The following TATDN2 variants were observed in gnomAD, a reference collection of about 807,000 sequenced individuals.
TATDN2 encodes TatD DNase domain containing 2.
Under a neutral mutation model 60.3 loss-of-function variants are expected in TATDN2, and 44 were observed. The ratio of observed to expected loss-of-function variants is 0.73; its 90% CI spans 0.57 to 0.94. TATDN2 has a LOEUF of 0.94. Among genes scored for constraint, TATDN2 ranks in the 40% least tolerant of loss-of-function variants. The probability of loss-of-function intolerance (pLI) is 0.00; values close to 1 mark genes in which losing one functional copy is unlikely to be tolerated. For missense variants in TATDN2, 997 were observed against 948.0 expected, an observed-to-expected ratio of 1.05 and a Z score of -0.68; for synonymous variants, 399 against 355.8, an observed-to-expected ratio of 1.12 and a Z score of -1.37.
At position 10,279,038 on chromosome 3, in the gene TATDN2, C is replaced by G. The variant is rs555389193; in HGVS notation, c.*13C>G. 47 of 1,612,992 alleles carry G rather than the reference C, an allele frequency of 2.9e-5. No individual in the cohort carries two copies. In the South Asian group the frequency reaches 4.9e-4, roughly 17 times the overall value. On this transcript the variant is annotated 3_prime_UTR_variant, in exon 7 of 8. Coordinates refer to ENST00000448281, the MANE Select transcript of TATDN2 (RefSeq NM_014760.4). ...CTACAGTCTTTAAGCAGAGAAGGTA[C>G]AGTCCTCGGGAGTCTCCTAGAAAAG...
Position 10,260,634 on chromosome 3 carries a change from C to G in TATDN2, c.912C>G (p.Phe304Leu). The G allele has an allele frequency of 1.2e-6, 2 of 1,614,086 alleles. No homozygotes were observed. The highest frequency in any genetic ancestry group is 1.7e-6 in the Non-Finnish European group (2 of 1,180,008). The change falls in exon 3 of 8, where the codon TTC (phenylalanine) becomes TTG (leucine). Residue 304 changes from phenylalanine to leucine, a missense_variant. Coordinates refer to ENST00000448281, the MANE Select transcript of TATDN2 (RefSeq NM_014760.4). ...ACAAATGCTCTCCACCCCTAGAGTT[C>G]TTGGATGACTCTGACTCTCATTTAG... ...VIDKCSPPLEFLDDSDSHLEI... is the reference protein window; with the variant it reads ...VIDKCSPPLELLDDSDSHLEI...
At chr3:10,254,528 T>G (rs1485518725) in intron 2 of TATDN2, among the ~76,000 whole-genome samples, 1 of 152,096 alleles carries the variant, frequency 6.6e-6, no homozygotes, top group Non-Finnish European at 1.5e-5. Flanking sequence ...CTGGGGCCAG[T>G]CTGTGAAGGG....
At chr3:10,272,296 T>A (rs1380119893) in intron 4 of TATDN2, among the ~76,000 whole-genome samples, 2 of 150,732 alleles carry the variant, frequency 1.3e-5, no homozygotes, top group Admixed American at 6.6e-5. Flanking sequence ...TTTTTTGAGA[T>A]GGAGTCTTGC....
intron 4 of TATDN2, among the ~76,000 whole-genome samples, chr3:10,273,164 G>T (rs890577780): frequency 6.6e-6 from 1 of 152,214 alleles, no homozygotes; most frequent in African/African-American, 2.4e-5. Context: ...GGTGAGATTT[G>T]ACTCAAGACT....
At chr3:10,259,161 C>G (rs187845391) in intron 2 of TATDN2, among the ~76,000 whole-genome samples, 247 of 152,036 alleles carry the variant, frequency 1.6e-3, no homozygotes, top group African/African-American at 5.5e-3. Flanking sequence ...CATGAGCCAC[C>G]GCGCCCCGTG....
At chr3:10,271,613 T>G (rs1698565258) in intron 4 of TATDN2, among the ~76,000 whole-genome samples, 1 of 151,874 alleles carries the variant, frequency 6.6e-6, no homozygotes, top group African/African-American at 2.4e-5. Context: ...CTGCATTGTT[T>G]TTTTTAAATA....
intron 3 of TATDN2, among the ~76,000 whole-genome samples, chr3:10,261,687 G>A (rs1184006571): frequency 1.3e-5 from 2 of 152,068 alleles, no homozygotes; most frequent in African/African-American, 2.4e-5. Flanking sequence ...CATCTTACTC[G>A]TCTCCACCCA....
chr3:10,269,342 A>G (rs1389192978), intron 3 of TATDN2, among the ~76,000 whole-genome samples: 2 of 152,244 alleles, frequency 1.3e-5, no homozygotes, highest in African/African-American at 4.8e-5. Context: ...AGGTAGGTCC[A>G]GATTAAGGGG....
chr3:10,271,213 A>G (rs1165939253), intron 4 of TATDN2, among the ~76,000 whole-genome samples, 198 bp downstream of exon 4: 1 of 152,194 alleles, frequency 6.6e-6, no homozygotes, highest in Non-Finnish European at 1.5e-5. Flanking sequence ...CAGCTTTATT[A>G]TGGAAGATGA....
intron 2 of TATDN2, among the ~76,000 whole-genome samples, chr3:10,257,901 C>A (rs1212304749): frequency 2.9e-5 from 3 of 104,414 alleles, no homozygotes; most frequent in Non-Finnish European, 5.4e-5. Flanking sequence ...TACTCTGTAG[C>A]CCAGGCTGGA....
chr3:10,276,591 C>CTTT, intron 5 of TATDN2, 103 bp downstream of exon 5: 68 of 1,107,720 alleles, frequency 6.1e-5, no homozygotes, highest in Non-Finnish European at 6.6e-5. Context: ...ACTATCTATT[C>CTTT]TTTTTTTTTT....
rs929781567 is a variant in TATDN2, at chr3:10,270,464, C to G, written c.1282C>G (p.Gln428Glu). 1.2e-6 allele frequency: 2 copies of G among 1,614,070 alleles called. No individual in the cohort carries two copies. The highest frequency in any genetic ancestry group is 2.7e-5 in the African/African-American group (2 of 74,922). Residue 428 changes from glutamine to glutamate, a missense_variant, in exon 4 of 8, where the codon CAA (glutamine) becomes GAA (glutamate). Gln to Glu is a conservative substitution (Grantham distance 29). Transcript: ENST00000448281. ...DYSPNSTGSVQNTSRDMEASE... is the reference protein window; with the variant it reads ...DYSPNSTGSVENTSRDMEASE... ...TTCCCCCAACTCTACAGGGAGTGTC[C>G]AAAACACCTCCAGAGACATGGAGGC...
At position 10,272,588 on chromosome 3, in the gene TATDN2, G is replaced by T. The variant is rs765259537; in HGVS notation, c.1833+1573G>T. Among the ~76,000 whole-genome samples, 105 of 151,822 alleles carry T rather than the reference G, an allele frequency of 6.9e-4. 1 individual carries two copies. Among genetic ancestry groups the T allele is most frequent in the Admixed American group, 2.0e-4 (3 of 15,238 alleles). ...TGAGTAGCTGGGATTATAGACTCCCGCCACCACGCCCAGCTAATTTTTTGT... is the reference window on the plus strand; with the variant it reads ...TGAGTAGCTGGGATTATAGACTCCCTCCACCACGCCCAGCTAATTTTTTGT... On this transcript the variant is annotated intron_variant, in intron 4 of 7. Coordinates refer to ENST00000448281, the MANE Select transcript of TATDN2 (RefSeq NM_014760.4).
In TATDN2 at chr3:10,256,778, C is replaced by CAA. The variant is rs370708111; in HGVS notation, c.415-3358_415-3357insAA. On this transcript the variant is annotated intron_variant, in intron 2 of 7. Transcript: ENST00000448281. ...CAGAGGGCAGGGGTGGAGAAGCAGT[C>CAA]AGTGGAGATGGGGCCTTAACAGACA... 1.1e-3 allele frequency among the ~76,000 whole-genome samples: 173 copies of CAA among 151,866 alleles called. 3 individuals are homozygous for CAA. The highest frequency in any genetic ancestry group is 3.9e-3 in the African/African-American group (160 of 41,412).
At chr3:10,262,007 CT>C (rs1279962115) in intron 3 of TATDN2, among the ~76,000 whole-genome samples, 23 of 152,204 alleles carry the variant, frequency 1.5e-4, no homozygotes, top group African/African-American at 5.5e-4. Context: ...ATCACATTTT[CT>C]TTCTTGTAAA....
chr3:10,256,681 C>G (rs890744119), intron 2 of TATDN2, among the ~76,000 whole-genome samples: 3 of 152,084 alleles, frequency 2.0e-5, no homozygotes, highest in African/African-American at 7.2e-5. Context: ...AGCTGCCCGT[C>G]TGAGGGTGCA....
intron 2 of TATDN2, among the ~76,000 whole-genome samples, chr3:10,256,054 T>C (rs1040911810): frequency 6.6e-6 from 1 of 152,208 alleles, no homozygotes; most frequent in Admixed American, 6.5e-5. Flanking sequence ...TCCTTGGCAG[T>C]TATCACTCTC....
Position 10,276,385 on chromosome 3 carries a change from G to T in TATDN2, c.1858G>T (p.Ala620Ser), listed in dbSNP as rs1436169628. The stretch of plus-strand genomic sequence containing the variant: ...GGTATTTGAGAGACAGCTGCAGCTG[G>T]CTGTGTCTCTAAAGAAGCCCTTGGT... The part of the protein sequence containing the change: ...HKVFERQLQL[A>S]VSLKKPLVIH... Residue 620 changes from alanine (A) to serine (S), a missense_variant, in exon 5 of 8, where the codon GCT (alanine) becomes TCT (serine). Ala to Ser is a moderately conservative substitution (Grantham distance 99). Coordinates refer to ENST00000448281, the MANE Select transcript of TATDN2 (RefSeq NM_014760.4). 1 of 1,613,900 alleles carries T rather than the reference G, an allele frequency of 6.2e-7. No homozygotes were observed. The highest frequency in any genetic ancestry group is 1.1e-5 in the South Asian group (1 of 91,082).
At chr3:10,279,123 G>A (rs1285897821) in intron 7 of TATDN2, 60 bp downstream of exon 7, 3 of 1,466,540 alleles carry the variant, frequency 2.0e-6, no homozygotes, top group Non-Finnish European at 2.8e-6. Flanking sequence ...GTTGCATTTT[G>A]TTAATGTAAA....
Sources: gnomAD v4.1 joint callset for allele counts (sites outside exome capture counted in the v4.1 genomes callset) on GRCh38, gnomAD v4.1.1 for gene constraint, MANE v1.5 for transcripts, NCBI Gene and HGNC (gene_info 2026-07-23, HGNC 2026-07-21) for gene names.